The following PDGFC variants were observed in gnomAD, a reference collection of about 807,000 sequenced individuals.
PDGFC encodes platelet derived growth factor C.
PDGFC carries 12 observed loss-of-function variants against 35.5 expected under a neutral mutation model. The observed-to-expected ratio is 0.34, with a 90% CI of 0.22 to 0.55. PDGFC has a LOEUF of 0.55. Among genes scored for constraint, PDGFC ranks in the 20% least tolerant of loss-of-function variants. The pLI, the probability that PDGFC is intolerant of heterozygous loss-of-function variation, is 0.91. For synonymous variants in PDGFC, 159 were observed against 148.8 expected (o/e 1.07, Z -0.50); for missense variants, 322 against 412.4 (o/e 0.78, Z 1.90).
At chr4:156,937,554 C>G (rs773971921) in intron 1 of PDGFC, among the ~76,000 whole-genome samples, 2 of 150,784 alleles carry the variant, frequency 1.3e-5, no homozygotes, top group Non-Finnish European at 2.9e-5. Flanking sequence ...ACAAAAAATT[C>G]ATCTGGGCAT....
chr4:156,851,095 T>C (rs1195484091), intron 1 of PDGFC, among the ~76,000 whole-genome samples: 1 of 152,128 alleles, frequency 6.6e-6, no homozygotes, highest in Non-Finnish European at 1.5e-5. Context: ...ATGTTCTTAA[T>C]AACAGCTCAT....
intron 1 of PDGFC, among the ~76,000 whole-genome samples, chr4:156,877,194 A>G (rs1730135346): frequency 6.6e-6 from 1 of 152,116 alleles, no homozygotes; most frequent in South Asian, 2.1e-4. Flanking sequence ...TAATCACATT[A>G]TTATATATAA....
intron 5 of PDGFC, among the ~76,000 whole-genome samples, chr4:156,764,100 C>T (rs1325488428): frequency 1.3e-5 from 2 of 152,064 alleles, no homozygotes; most frequent in Non-Finnish European, 2.9e-5. Flanking sequence ...TGAACAAAGG[C>T]CAGAGCACAA....
At chr4:156,829,713 T>C (rs1728878230) in intron 2 of PDGFC, among the ~76,000 whole-genome samples, 1 of 152,154 alleles carries the variant, frequency 6.6e-6, no homozygotes, top group African/African-American at 2.4e-5. Flanking sequence ...ATGTTATTTC[T>C]TAGATTTTTC....
chr4:156,828,015 AG>A (rs1728825788), intron 2 of PDGFC, among the ~76,000 whole-genome samples: 1 of 152,218 alleles, frequency 6.6e-6, no homozygotes, highest in Non-Finnish European at 1.5e-5. Context: ...GCCAAAGATC[AG>A]GAGAAGCTCT....
chr4:156,891,911 T>C (rs1730522190), intron 1 of PDGFC, among the ~76,000 whole-genome samples: 1 of 152,198 alleles, frequency 6.6e-6, no homozygotes, highest in Non-Finnish European at 1.5e-5. Context: ...GTTTTATAAC[T>C]GAATAACTGG....
intron 2 of PDGFC, among the ~76,000 whole-genome samples, chr4:156,825,596 GAAGAA>G (rs1560828431): frequency 4.5e-4 from 33 of 72,882 alleles, no homozygotes; most frequent in African/African-American, 1.1e-3. Flanking sequence ...ATAATAATAA[GAAGAA>G]GAAGAAGAAG....
chr4:156,798,395 A>G (rs1177052946), intron 3 of PDGFC, among the ~76,000 whole-genome samples: 1 of 152,178 alleles, frequency 6.6e-6, no homozygotes, highest in Non-Finnish European at 1.5e-5. Context: ...AAATTATGCC[A>G]TTGCTCTTAA....
chr4:156,798,543 T>G (rs1308645790), intron 3 of PDGFC, among the ~76,000 whole-genome samples: 2 of 152,046 alleles, frequency 1.3e-5, no homozygotes, highest in Non-Finnish European at 2.9e-5. Context: ...GAAGTGAGAG[T>G]TCTTCATATT....
At chr4:156,869,389 T>C (rs982404746) in intron 1 of PDGFC, among the ~76,000 whole-genome samples, 3 of 152,056 alleles carry the variant, frequency 2.0e-5, no homozygotes, top group East Asian at 1.9e-4. Flanking sequence ...TGAGCCCAGA[T>C]TGCGCCACTG....
intron 3 of PDGFC, among the ~76,000 whole-genome samples, chr4:156,804,902 T>A (rs1030998610): frequency 5.3e-5 from 8 of 152,176 alleles, no homozygotes; most frequent in African/African-American, 1.9e-4. Flanking sequence ...TTTCAATTAA[T>A]CTACGATTTT....
At position 156,772,675 on chromosome 4, in the gene PDGFC, A is replaced by G; in HGVS notation, c.703+11T>C. 1 of 1,584,600 alleles carries G rather than the reference A, an allele frequency of 6.3e-7. No homozygotes were observed. Among genetic ancestry groups the G allele is most frequent in the Non-Finnish European group, 8.7e-7 (1 of 1,154,146 alleles). On this transcript the variant is annotated intron_variant, in intron 4 of 5. Transcript: ENST00000502773. ...AATTAAATGAGGTTCTAATCTGAAG[A>G]GGGAGCTTACCTCTGGATTTTCTTC...
intron 1 of PDGFC, among the ~76,000 whole-genome samples, chr4:156,881,611 G>A (rs1485771135): frequency 7.9e-5 from 12 of 152,016 alleles, no homozygotes; most frequent in Non-Finnish European, 1.6e-4. Context: ...GCAGTGGATC[G>A]CCTGGAGTCA....
chr4:156,823,584 A>C (rs1732330972), intron 2 of PDGFC, among the ~76,000 whole-genome samples: 2 of 152,226 alleles, frequency 1.3e-5, no homozygotes. Flanking sequence ...TAATTGAAAA[A>C]TACAATAGTG....
chr4:156,771,401 G>C (rs1410778569), intron 4 of PDGFC, among the ~76,000 whole-genome samples: 2 of 152,110 alleles, frequency 1.3e-5, no homozygotes, highest in Non-Finnish European at 2.9e-5. Flanking sequence ...AGCTAGTCTT[G>C]CAGATCTTCA....
chr4:156,836,449 T>A (rs963363382), intron 2 of PDGFC, among the ~76,000 whole-genome samples: 1 of 152,240 alleles, frequency 6.6e-6, no homozygotes, highest in African/African-American at 2.4e-5. Flanking sequence ...TCTCCTTGAT[T>A]TCTAAGAAAT....
At chr4:156,791,109 C>G (rs1314937374) in intron 3 of PDGFC, among the ~76,000 whole-genome samples, 3 of 152,136 alleles carry the variant, frequency 2.0e-5, no homozygotes, top group Non-Finnish European at 2.9e-5. Flanking sequence ...CTGGCATTTT[C>G]CCAGCCAGTA....
chr4:156,962,829 C>T (rs1732373628), intron 1 of PDGFC, among the ~76,000 whole-genome samples: 1 of 152,030 alleles, frequency 6.6e-6, no homozygotes, highest in African/African-American at 2.4e-5. Flanking sequence ...ATTGAGGACA[C>T]ATGTGGCACC....
At chr4:156,778,465 T>G (rs1442618505) in intron 3 of PDGFC, among the ~76,000 whole-genome samples, 1 of 150,296 alleles carries the variant, frequency 6.7e-6, no homozygotes, top group African/African-American at 2.5e-5. Flanking sequence ...CAAGTTTGGC[T>G]GCAAAAGTTA....
Sources: gnomAD v4.1 joint callset for allele counts (sites outside exome capture counted in the v4.1 genomes callset) on GRCh38, gnomAD v4.1.1 for gene constraint, MANE v1.5 for transcripts, NCBI Gene and HGNC (gene_info 2026-07-23, HGNC 2026-07-21) for gene names.